SPPL3: variants seen among roughly 807,000 people sequenced by gnomAD.
SPPL3 encodes the protein signal peptide peptidase-like 3.
In SPPL3, 5 loss-of-function variants were observed where a neutral mutation model predicts 42.4. The ratio of observed to expected loss-of-function variants is 0.12; its 90% CI spans 0.06 to 0.25. SPPL3 has a LOEUF of 0.25. Among genes scored for constraint, SPPL3 ranks in the 10% least tolerant of loss-of-function variants. The pLI is 1.00. For synonymous variants in SPPL3, 195 were observed against 181.8 expected, an observed-to-expected ratio of 1.07 and a Z score of -0.58; for missense variants, 235 against 489.0, an observed-to-expected ratio of 0.48 and a Z score of 4.90.
chr12:120,900,879 G>T (rs1301602673), intron 1 of SPPL3, among the ~76,000 whole-genome samples: 2 of 144,968 alleles, frequency 1.4e-5, no homozygotes, highest in African/African-American at 2.6e-5. Flanking sequence ...CTTAGATCGG[G>T]CCACTGCATT....
At chr12:120,900,163 T>C (rs559857480) in intron 1 of SPPL3, among the ~76,000 whole-genome samples, 3 of 152,246 alleles carry the variant, frequency 2.0e-5, no homozygotes, top group South Asian at 2.1e-4. Context: ...ATAATTTACA[T>C]CTTATTATAC....
rs1033438947 is a variant in SPPL3 at position 120,784,393 on chromosome 12, A to C, written c.310+81T>G. 6 of 1,408,266 alleles carry C rather than the reference A, an allele frequency of 4.3e-6. No individual in the cohort carries two copies. In the East Asian group the frequency reaches 1.2e-4, roughly 28 times the overall value. 87.2% of individuals were successfully genotyped at this position (1,408,266 alleles called of 1,614,324 possible). On this transcript the variant is annotated intron_variant, in intron 4 of 10. Coordinates refer to ENST00000353487, the MANE Select transcript of SPPL3 (RefSeq NM_139015.5). ...AAAAACTTACATGACATGGTATATA[A>C]ATCTTAATTTTTGAACAATGATAAA...
intron 1 of SPPL3, among the ~76,000 whole-genome samples, chr12:120,866,870 T>A (rs762799667): frequency 4.6e-5 from 7 of 152,238 alleles, no homozygotes; most frequent in Non-Finnish European, 8.8e-5. Context: ...TAAAAGAACA[T>A]CTGAGAATCC....
intron 1 of SPPL3, among the ~76,000 whole-genome samples, chr12:120,871,824 C>T (rs1403609018): frequency 2.0e-5 from 3 of 152,066 alleles, no homozygotes; most frequent in Non-Finnish European, 4.4e-5. Context: ...TACTTTAAAT[C>T]ATCTCTACAT....
chr12:120,848,676 T>G (rs529587468), intron 1 of SPPL3, among the ~76,000 whole-genome samples: 1 of 152,336 alleles, frequency 6.6e-6, no homozygotes, highest in Non-Finnish European at 1.5e-5. Context: ...TTTTCATAAC[T>G]ACTACTGATT....
intron 1 of SPPL3, among the ~76,000 whole-genome samples, chr12:120,829,041 G>A (rs553971773): frequency 2.6e-5 from 4 of 152,306 alleles, no homozygotes; most frequent in African/African-American, 9.6e-5. Flanking sequence ...TGGGATTAGA[G>A]GCATGAGTTA....
chr12:120,895,445 A>G (rs1873771995), intron 1 of SPPL3, among the ~76,000 whole-genome samples: 1 of 152,062 alleles, frequency 6.6e-6, no homozygotes, highest in South Asian at 2.1e-4. Context: ...AAAAAAAGAA[A>G]CATAGCTTTA....
chr12:120,851,285 C>T (rs1872214649), intron 1 of SPPL3, among the ~76,000 whole-genome samples: 1 of 152,204 alleles, frequency 6.6e-6, no homozygotes. Context: ...CTCCACCAGG[C>T]TGCCTGTAAA....
intron 6 of SPPL3, among the ~76,000 whole-genome samples, chr12:120,776,210 G>C (rs1869314059): frequency 6.6e-6 from 1 of 152,218 alleles, no homozygotes; most frequent in Admixed American, 6.5e-5. Flanking sequence ...AATAATGACA[G>C]AAAAATGTGG....
intron 1 of SPPL3, among the ~76,000 whole-genome samples, chr12:120,853,099 G>A (rs974995495): frequency 2.6e-5 from 4 of 151,682 alleles, no homozygotes; most frequent in African/African-American, 7.3e-5. Flanking sequence ...GTTTGACTGT[G>A]TTGGCCAGGC....
At chr12:120,821,699 C>T (rs1038941128) in intron 1 of SPPL3, among the ~76,000 whole-genome samples, 5 of 152,118 alleles carry the variant, frequency 3.3e-5, no homozygotes, top group Admixed American at 6.5e-5. Flanking sequence ...TATCTAAATA[C>T]CCTCTCAGGA....
intron 1 of SPPL3, among the ~76,000 whole-genome samples, chr12:120,871,171 AGTGATGATGACTGCACAACAAT>A (rs1365371075): frequency 6.8e-6 from 1 of 147,258 alleles, no homozygotes; most frequent in African/African-American, 2.5e-5. Flanking sequence ...GGAGGTAAAC[AGTGATGATGACTGCACAACAAT>A]GTGAATACAC....
chr12:120,782,704 G>A lies in SPPL3; in HGVS notation c.453C>T (p.Val151=). The A allele has an allele frequency of 6.2e-7, 1 of 1,611,590 alleles. No individual in the cohort carries two copies. The highest frequency in any genetic ancestry group is 8.5e-7 in the Non-Finnish European group (1 of 1,178,674). ...AAELLSFSLS[V]MLVLIWVLTG... is the part of the protein sequence containing the mutation. ...TGAGAACCCAGATGAGGACGAGCAT[G>A]ACAGACAGAGAGAATGACAGCAACT... The change falls in exon 6 of 11, where the codon GTC becomes GTT. Residue 151 remains valine, a synonymous_variant. Coordinates refer to ENST00000353487, the MANE Select transcript of SPPL3 (RefSeq NM_139015.5).
chr12:120,894,367 G>A (rs1406329316), intron 1 of SPPL3, among the ~76,000 whole-genome samples: 1 of 152,110 alleles, frequency 6.6e-6, no homozygotes, highest in Non-Finnish European at 1.5e-5. Context: ...AATTTCATAA[G>A]TTTATAAAGT....
chr12:120,821,522 C>T (rs1259745254), intron 1 of SPPL3, among the ~76,000 whole-genome samples: 1 of 151,960 alleles, frequency 6.6e-6, no homozygotes. Flanking sequence ...GGCCAAGGGA[C>T]TTATTTACAG....
chr12:120,767,139 T>C (rs1476791555), intron 9 of SPPL3, among the ~76,000 whole-genome samples: 3 of 152,246 alleles, frequency 2.0e-5, no homozygotes, highest in South Asian at 2.1e-4. Flanking sequence ...TCCACTGCAC[T>C]GTGTGCTGTG....
chr12:120,898,464 GAC>G (rs924793657), intron 1 of SPPL3, among the ~76,000 whole-genome samples: 11 of 151,842 alleles, frequency 7.2e-5, no homozygotes, highest in Admixed American at 2.0e-4. Context: ...CCCTCAGAGA[GAC>G]ACACACAAGA....
intron 2 of SPPL3, chr12:120,791,879 A>G (rs1869927955): frequency 3.5e-6 from 1 of 289,248 alleles, no homozygotes; most frequent in Non-Finnish European, 6.6e-6. Context: ...GCACATTTTG[A>G]GACTTTTACA....
At chr12:120,892,997 A>AG (rs1873690401) in intron 1 of SPPL3, among the ~76,000 whole-genome samples, 1 of 151,522 alleles carries the variant, frequency 6.6e-6, no homozygotes, top group South Asian at 2.1e-4. Context: ...AAAAAAAAAA[A>AG]AAAATACAAC....
Sources: allele counts gnomAD v4.1 joint callset (sites outside exome capture counted in the v4.1 genomes callset), GRCh38; gene constraint gnomAD v4.1.1; transcripts MANE v1.5; gene names NCBI Gene and HGNC (gene_info 2026-07-23, HGNC 2026-07-21).